The following ANKH variants were observed in gnomAD, a reference collection of about 807,000 sequenced individuals.
ANKH encodes the protein mineralization regulator ANKH.
A neutral mutation model predicts 49.0 loss-of-function variants in ANKH; 15 were observed. That is an observed-to-expected ratio of 0.31 (90% CI 0.20 to 0.47). The LOEUF is 0.47. Among genes scored for constraint, ANKH ranks in the 20% least tolerant of loss-of-function variants. The pLI is 1.00. For missense variants in ANKH, 429 were observed against 652.0 expected (o/e 0.66, Z 3.72); for synonymous variants, 273 against 260.0 (o/e 1.05, Z -0.48).
rs1486828421 is a variant in ANKH, at chr5:14,710,360, C to T, written c.*837G>A. ...GAAAGGCGAGGGAAAAGCAAGCCTT[C>T]AGGAAAAGTCATGCGGCAGGGTCTG... On this transcript the variant is annotated 3_prime_UTR_variant, in exon 12 of 12. Coordinates refer to ENST00000284268, the MANE Select transcript of ANKH (RefSeq NM_054027.6). The T allele has an allele frequency of 6.6e-6, 1 of 152,230 alleles. No individual in the cohort carries two copies. Among genetic ancestry groups the T allele is most frequent in the African/African-American group, 2.4e-5 (1 of 41,440 alleles). 9.4% of individuals were successfully genotyped at this position (152,230 alleles called of 1,614,324 possible).
chr5:14,704,934 CCAT>C lies in ANKH; in HGVS notation c.*6260_*6262del, dbSNP rs1224906684. The C allele has an allele frequency of 2.6e-5, 4 of 152,172 alleles. No individual in the cohort carries two copies. Among genetic ancestry groups the C allele is most frequent in the Non-Finnish European group, 5.9e-5 (4 of 68,036 alleles). 9.4% of individuals were successfully genotyped at this position (152,172 alleles called of 1,614,324 possible). A position where few individuals can be genotyped will look rare whatever the true frequency, so the allele number is the denominator to read the frequency against. ...AATGCTCTTACCAATGCAAAAACTT[CCAT>C]CTGTTAGATACATAAAGAGCACTTC... On this transcript the variant is annotated 3_prime_UTR_variant, in exon 12 of 12. Transcript: ENST00000284268.
intron 6 of ANKH, among the ~76,000 whole-genome samples, chr5:14,746,947 T>G (rs1738561061): frequency 6.6e-6 from 1 of 152,248 alleles, no homozygotes; most frequent in Non-Finnish European, 1.5e-5. Context: ...CAGGTCCACC[T>G]GACTCCAGAA....
chr5:14,831,054 G>A (rs1741491291), intron 1 of ANKH, among the ~76,000 whole-genome samples: 1 of 152,156 alleles, frequency 6.6e-6, no homozygotes, highest in Non-Finnish European at 1.5e-5. Flanking sequence ...TCAGCACCAG[G>A]TACTTCCTCT....
chr5:14,733,582 T>C (rs535672889), intron 8 of ANKH, among the ~76,000 whole-genome samples: 25 of 152,362 alleles, frequency 1.6e-4, no homozygotes, highest in African/African-American at 5.3e-4. Context: ...CCATTTAGCA[T>C]GCAATCAGCT....
chr5:14,718,119 T>TTA (rs1270663565), intron 8 of ANKH, among the ~76,000 whole-genome samples: 1 of 152,118 alleles, frequency 6.6e-6, no homozygotes, highest in African/African-American at 2.4e-5. Flanking sequence ...TCCTGAAAAT[T>TTA]AGAGTCTCCC....
Position 14,740,447 on chromosome 5 carries a change from C to A in ANKH, c.1011+1380G>T, listed in dbSNP as rs1312563108. Among the ~76,000 whole-genome samples the A allele has an allele frequency of 2.0e-5, 3 of 152,000 alleles. No individual in the cohort carries two copies. In the East Asian group the frequency reaches 5.8e-4, roughly 29 times the overall value. On this transcript the variant is annotated intron_variant, in intron 8 of 11. Coordinates refer to ENST00000284268, the MANE Select transcript of ANKH (RefSeq NM_054027.6). Reference sequence around the variant, plus strand: ...AGCATGGCTGCCTGGGGAACCGGCCCCGCTCAAACAGGCATTGCTATCAGC... The same window carrying A: ...AGCATGGCTGCCTGGGGAACCGGCCACGCTCAAACAGGCATTGCTATCAGC...
intron 1 of ANKH, among the ~76,000 whole-genome samples, chr5:14,856,093 G>A (rs905562011): frequency 6.6e-6 from 1 of 151,886 alleles, no homozygotes; most frequent in African/African-American, 2.4e-5. Flanking sequence ...AAGTGGGCAG[G>A]CGAATCGCTT....
At chr5:14,849,454 CTA>C (rs1408479162) in intron 1 of ANKH, among the ~76,000 whole-genome samples, 7 of 152,146 alleles carry the variant, frequency 4.6e-5, no homozygotes, top group African/African-American at 1.7e-4. Context: ...GGTTCTTAAA[CTA>C]TTTATTAGAT....
chr5:14,731,111 G>A lies in ANKH; in HGVS notation c.1011+10716C>T, dbSNP rs114741913. Among the ~76,000 whole-genome samples, 813 of 152,330 alleles carry A rather than the reference G, an allele frequency of 5.3e-3. 5 individuals carry two copies. The highest frequency in any genetic ancestry group is 0.018 in the African/African-American group (733 of 41,556). ...CAACACGGGCGTGAAAGGCCATGTC[G>A]TCCTCCGGGGGCAGCGGCCAGTGGT... On this transcript the variant is annotated intron_variant, in intron 8 of 11. Coordinates refer to ENST00000284268, the MANE Select transcript of ANKH (RefSeq NM_054027.6).
At chr5:14,783,725 T>C (rs562160757) in intron 1 of ANKH, among the ~76,000 whole-genome samples, 1 of 152,300 alleles carries the variant, frequency 6.6e-6, no homozygotes, top group Non-Finnish European at 1.5e-5. Flanking sequence ...AATAGTGACA[T>C]GATAATGTAA....
At chr5:14,744,771 G>A (rs1208027601) in intron 7 of ANKH, among the ~76,000 whole-genome samples, 2 of 152,228 alleles carry the variant, frequency 1.3e-5, no homozygotes, top group African/African-American at 4.8e-5. Context: ...CTGCTCCGCA[G>A]GCCTCGCCCC....
intron 1 of ANKH, among the ~76,000 whole-genome samples, chr5:14,847,716 T>TA (rs1742005692): frequency 6.6e-6 from 1 of 152,226 alleles, no homozygotes; most frequent in Admixed American, 6.5e-5. Context: ...CCAGTCTCTC[T>TA]GACAATCTTA....
intron 1 of ANKH, among the ~76,000 whole-genome samples, chr5:14,860,530 T>C (rs1735450811): frequency 6.6e-6 from 1 of 152,172 alleles, no homozygotes; most frequent in Non-Finnish European, 1.5e-5. Flanking sequence ...GTTGTTGTTA[T>C]TTACTATTTT....
chr5:14,786,045 CAAAAAAAAAAA>C (rs71603742), intron 1 of ANKH, among the ~76,000 whole-genome samples: 4 of 67,222 alleles, frequency 6.0e-5, no homozygotes, highest in Non-Finnish European at 1.2e-4. Context: ...GACTCTGTCT[CAAAAAAAAAAA>C]AAAAAAAAAA....
At chr5:14,804,212 A>G (rs1231505745) in intron 1 of ANKH, among the ~76,000 whole-genome samples, 1 of 152,164 alleles carries the variant, frequency 6.6e-6, no homozygotes. Context: ...CCTTTTCTAC[A>G]GAGACGAAGG....
intron 1 of ANKH, among the ~76,000 whole-genome samples, chr5:14,814,339 G>A (rs1205888223): frequency 2.6e-5 from 4 of 152,210 alleles, no homozygotes; most frequent in Non-Finnish European, 1.5e-5. Context: ...GGTGACACAC[G>A]CCTGTAATCC....
At chr5:14,825,458 C>A (rs1300825794) in intron 1 of ANKH, among the ~76,000 whole-genome samples, 6 of 152,130 alleles carry the variant, frequency 3.9e-5, no homozygotes, top group African/African-American at 1.4e-4. Context: ...CTCAAGCAAT[C>A]CTCCCATCTC....
At chr5:14,774,337 A>G (rs1053476235) in intron 1 of ANKH, among the ~76,000 whole-genome samples, 1 of 152,224 alleles carries the variant, frequency 6.6e-6, no homozygotes, top group Admixed American at 6.5e-5. Flanking sequence ...TGAGTTATGG[A>G]TTAAAACTAA....
intron 1 of ANKH, among the ~76,000 whole-genome samples, chr5:14,812,242 TA>T (rs1195327860): frequency 1.3e-5 from 2 of 151,994 alleles, no homozygotes; most frequent in African/African-American, 4.8e-5. Flanking sequence ...CCAAACTTAT[TA>T]TTTTTTTTTT....
Sources: gnomAD v4.1 joint callset for allele counts (sites outside exome capture counted in the v4.1 genomes callset) on GRCh38, gnomAD v4.1.1 for gene constraint, MANE v1.5 for transcripts, NCBI Gene and HGNC (gene_info 2026-07-23, HGNC 2026-07-21) for gene names.